The following MAPT variants were observed in gnomAD, a reference collection of about 807,000 sequenced individuals.
The protein encoded by MAPT is microtubule associated protein tau.
In MAPT, 34 loss-of-function variants were observed where a neutral mutation model predicts 67.9. The observed-to-expected ratio is 0.50, with a 90% CI of 0.38 to 0.67. The LOEUF (loss-of-function observed/expected upper bound fraction) is 0.67, where lower values mean the gene tolerates loss of function less well. MAPT is among the 30% of genes least tolerant of loss of function. The pLI is 0.00. For missense variants in MAPT, 881 were observed against 1,115.2 expected (o/e 0.79, Z 2.99); for synonymous variants, 456 against 464.5 (o/e 0.98, Z 0.23).
chr17:45,964,010 G>A (rs930489026), intron 2 of MAPT, among the ~76,000 whole-genome samples: 1 of 152,136 alleles, frequency 6.6e-6, no homozygotes, highest in Admixed American at 6.5e-5. Flanking sequence ...AGCTCTGGGT[G>A]AGGAGGTGAG....
At chr17:45,941,688 T>TCCTTCCC (rs2067945089) in intron 1 of MAPT, among the ~76,000 whole-genome samples, 1 of 58,470 alleles carries the variant, frequency 1.7e-5, no homozygotes, top group Non-Finnish European at 3.2e-5. Context: ...CCCTCCTTCC[T>TCCTTCCC]TCCTTCCTTC....
Position 46,024,334 on chromosome 17 carries a change from G to T in MAPT, c.*163G>T. On this transcript the variant is annotated 3_prime_UTR_variant, in exon 13 of 13. Transcript: ENST00000262410. The stretch of plus-strand genomic sequence containing the variant: ...TGCTTTTGTCACTCGGCTTTGGCTC[G>T]GGACTTCAAAATCAGTGATGGGAGT... 5 of 689,862 alleles carry T rather than the reference G, an allele frequency of 7.2e-6. No homozygotes were observed. The highest frequency in any genetic ancestry group is 1.3e-5 in the Non-Finnish European group (5 of 390,748). 42.7% of individuals were successfully genotyped at this position (689,862 alleles called of 1,614,324 possible).
chr17:45,970,168 A>T (rs2071514310), intron 2 of MAPT, among the ~76,000 whole-genome samples: 1 of 152,148 alleles, frequency 6.6e-6, no homozygotes, highest in Admixed American at 6.5e-5. Flanking sequence ...ATACATTCAT[A>T]CATGCATCTA....
chr17:45,958,806 TA>T (rs2070041287), intron 1 of MAPT, among the ~76,000 whole-genome samples: 1 of 152,098 alleles, frequency 6.6e-6, no homozygotes, highest in South Asian at 2.1e-4. Context: ...CTCACACCTT[TA>T]ATCCCAGCAC....
At chr17:45,993,923 G>A in intron 8 of MAPT, 1 of 1,569,924 alleles carries the variant, frequency 6.4e-7, no homozygotes. Flanking sequence ...TTCTCTTTAA[G>A]CGACTAAGCA....
chr17:45,982,792 A>T, intron 4 of MAPT, 74 bp from the exon 5 acceptor site: 1 of 783,606 alleles, frequency 1.3e-6, no homozygotes, highest in Non-Finnish European at 1.6e-6. Flanking sequence ...CATTTTGTCC[A>T]GGATGATGCT....
rs1194605763 is a variant in MAPT at position 45,983,745 on chromosome 17, A to C, written c.1166A>C (p.Glu389Ala). 4 of 1,613,998 alleles carry C rather than the reference A, an allele frequency of 2.5e-6. No homozygotes were observed. Among genetic ancestry groups the C allele is most frequent in the Non-Finnish European group, 3.4e-6 (4 of 1,180,026 alleles). ...HVEITPNVQK[E>A]QAHSEEHLGR... ...GAAATCACACCCAACGTGCAGAAGG[A>C]GCAGGCGCACTCGGAGGAGCATTTG... Residue 389 changes from glutamate (E) to alanine (A), a missense_variant, in exon 5 of 13, where the codon GAG becomes GCG. Around this residue, in one of 6 missense-constraint regions of MAPT, gnomAD observed 687 missense variants for 766.1 expected, o/e 0.90. Coordinates refer to ENST00000262410, the MANE Select transcript of MAPT (RefSeq NM_001377265.1).
Position 45,986,997 on chromosome 17 carries a change from G to T in MAPT, c.1352-43G>T, listed in dbSNP as rs778788834. 3.8e-6 allele frequency: 6 copies of T among 1,571,666 alleles called. No homozygotes were observed. In the South Asian group the frequency reaches 6.7e-5, roughly 18 times the overall value. Reference sequence around the variant, plus strand: ...CCACAGCTGGCTTTCTGTGAACAGTGAAAATGGAGTGTGACAAGCATTCTT... The same window carrying T: ...CCACAGCTGGCTTTCTGTGAACAGTTAAAATGGAGTGTGACAAGCATTCTT... On this transcript the variant is annotated intron_variant, in intron 5 of 12. Coordinates refer to ENST00000262410, the MANE Select transcript of MAPT (RefSeq NM_001377265.1).
chr17:45,981,215 A>T (rs1257573053), intron 4 of MAPT, among the ~76,000 whole-genome samples: 1 of 152,082 alleles, frequency 6.6e-6, no homozygotes. Context: ...AAGCCCCTGA[A>T]TCCTTCAGGG....
chr17:45,983,557 A>C lies in MAPT; in HGVS notation c.978A>C (p.Arg326Ser). 6.2e-7 allele frequency: 1 copy of C among 1,613,034 alleles called. No individual in the cohort carries two copies. The highest frequency in any genetic ancestry group is 8.5e-7 in the Non-Finnish European group (1 of 1,179,946). The change falls in exon 5 of 13, where the codon AGA becomes AGC. Residue 326 changes from arginine (R) to serine (S), a missense_variant. Physicochemically the swap from Arg to Ser is moderately radical, Grantham distance 110. This residue lies in a region of MAPT where 687 missense variants were observed against 766.1 expected (regional missense o/e 0.90). Coordinates refer to ENST00000262410, the MANE Select transcript of MAPT (RefSeq NM_001377265.1). Reference sequence around the variant, plus strand: ...GGCGGCCTCCCCAGACAGCCGCCAGAGAAGCCACCAGCATCCCAGGCTTCC... The same window carrying C: ...GGCGGCCTCCCCAGACAGCCGCCAGCGAAGCCACCAGCATCCCAGGCTTCC... ...QDGRPPQTAA[R>S]EATSIPGFPA...
chr17:45,933,226 T>G (rs563551848), intron 1 of MAPT, among the ~76,000 whole-genome samples: 1 of 150,772 alleles, frequency 6.6e-6, no homozygotes. Flanking sequence ...TTATTACTGT[T>G]TTTGAACTCT....
intron 11 of MAPT, among the ~76,000 whole-genome samples, chr17:46,015,071 T>G (rs900500739): frequency 6.6e-6 from 1 of 152,086 alleles, no homozygotes; most frequent in Non-Finnish European, 1.5e-5. Context: ...ATAATTTAAT[T>G]GTACATTTAA....
chr17:46,019,201 C>T (rs901448530), intron 12 of MAPT, among the ~76,000 whole-genome samples: 3 of 152,064 alleles, frequency 2.0e-5, no homozygotes, highest in Non-Finnish European at 2.9e-5. Flanking sequence ...GGCAAGAGAG[C>T]GTGTGCAGGG....
At position 45,971,041 on chromosome 17, in the gene MAPT, G is replaced by A. The variant is rs1350616490; in HGVS notation, c.134-818G>A. Among the ~76,000 whole-genome samples the A allele has an allele frequency of 6.6e-6, 1 of 152,176 alleles. No homozygotes were observed. The highest frequency in any genetic ancestry group is 1.5e-5 in the Non-Finnish European group (1 of 68,028). Reference sequence around the variant, plus strand: ...TGCTCAGCCCTGGATACTGCATGATGCATTGATAAGCCCATAAAATAACCA... The same window carrying A: ...TGCTCAGCCCTGGATACTGCATGATACATTGATAAGCCCATAAAATAACCA... On this transcript the variant is annotated intron_variant, in intron 2 of 12. Transcript: ENST00000262410. The surrounding 1 kb of genome is among the most constrained non-coding windows in gnomAD (Gnocchi z 4.3).
At chr17:45,932,219 A>G (rs2066905967) in intron 1 of MAPT, 1 of 152,222 alleles carries the variant, frequency 6.6e-6, no homozygotes, top group South Asian at 2.1e-4. Flanking sequence ...CTACTTGCTT[A>G]ATGCAGGAAC....
At chr17:45,992,850 C>G (rs2145785174) in intron 8 of MAPT, among the ~76,000 whole-genome samples, 1 of 148,566 alleles carries the variant, frequency 6.7e-6, no homozygotes, top group Non-Finnish European at 1.5e-5. Context: ...GAGATCGCAC[C>G]ATTGCACTCC....
At chr17:45,990,493 G>T (rs1210447345) in intron 7 of MAPT, 8 of 453,220 alleles carry the variant, frequency 1.8e-5, no homozygotes, top group Non-Finnish European at 2.6e-5. Flanking sequence ...ATGCGTGGTG[G>T]TAATCGCAGC....
chr17:45,991,814 C>G lies in MAPT; in HGVS notation c.1732+228C>G, dbSNP rs62063799. On this transcript the variant is annotated intron_variant, in intron 8 of 12. Coordinates refer to ENST00000262410, the MANE Select transcript of MAPT (RefSeq NM_001377265.1). Reference sequence around the variant, plus strand: ...TTTTTTTTCTTTTGAGACAGAGTTTCGCTTTTGTTATCCAGGCCGGAGTGC... The same window carrying G: ...TTTTTTTTCTTTTGAGACAGAGTTTGGCTTTTGTTATCCAGGCCGGAGTGC... Among the ~76,000 whole-genome samples the G allele has an allele frequency of 0.15, 21,893 of 148,006 alleles. 2,113 individuals are homozygous for G. The highest frequency in any genetic ancestry group is 0.22 in the Non-Finnish European group (14,657 of 67,252).
intron 11 of MAPT, 121 bp downstream of exon 11, chr17:46,014,445 A>G (rs2076020434): frequency 2.2e-5 from 17 of 767,114 alleles, no homozygotes; most frequent in Non-Finnish European, 3.9e-5. Context: ...GTAGACCTAC[A>G]TCAAGGAAAG....
Sources: allele counts gnomAD v4.1 joint callset (sites outside exome capture counted in the v4.1 genomes callset), GRCh38; gene constraint gnomAD v4.1.1; regional missense constraint gnomAD v4.1.1; non-coding constraint Gnocchi (gnomAD v3.1); transcripts MANE v1.5; gene names NCBI Gene and HGNC (gene_info 2026-07-23, HGNC 2026-07-21).